SIDT1: variants seen among roughly 807,000 people sequenced by gnomAD.
SIDT1 encodes SID1 transmembrane family member 1.
SIDT1 carries 101 observed loss-of-function variants against 107.5 expected under a neutral mutation model. That is an observed-to-expected ratio of 0.94 (90% CI 0.80 to 1.11). SIDT1 has a LOEUF of 1.11. Among genes scored for constraint, SIDT1 ranks in the 50% least tolerant of loss-of-function variants. The pLI is 0.00. For missense variants in SIDT1, 1,076 were observed against 1,058.2 expected (o/e 1.02, Z -0.23); for synonymous variants, 395 against 398.2 (o/e 0.99, Z 0.10).
Position 113,623,667 on chromosome 3 carries a change from C to T in SIDT1, c.2241C>T (p.Ile747=), listed in dbSNP as rs772871086. The T allele has an allele frequency of 1.9e-6, 3 of 1,614,146 alleles. No individual in the cohort carries two copies. Among genetic ancestry groups the T allele is most frequent in the South Asian group, 2.2e-5 (2 of 91,086 alleles). Reference sequence around the variant, plus strand: ...TCCTCCCAGTCCCGCTCTTCTGCATCGTGGCCACCGCTGTGATGTGGGCTG... The same window carrying T: ...TCCTCCCAGTCCCGCTCTTCTGCATTGTGGCCACCGCTGTGATGTGGGCTG... ...EKVLPVPLFC[I]VATAVMWAAA... Residue 747 remains isoleucine, a synonymous_variant, in exon 23 of 25, where the codon ATC becomes ATT. Transcript: ENST00000264852.
intron 1 of SIDT1, among the ~76,000 whole-genome samples, chr3:113,538,011 G>A (rs1938381783): frequency 6.6e-6 from 1 of 151,982 alleles, no homozygotes; most frequent in Admixed American, 6.6e-5. Context: ...TCAAACTCCT[G>A]GCCTCACGTG....
chr3:113,600,101 G>T (rs1944852778), intron 10 of SIDT1, among the ~76,000 whole-genome samples: 1 of 151,860 alleles, frequency 6.6e-6, no homozygotes, highest in Non-Finnish European at 1.5e-5. Context: ...CTTGAGGTGG[G>T]GAGTTCAAGA....
In SIDT1 at chr3:113,604,977, G is replaced by A. The variant is rs775141191; in HGVS notation, c.1404+1G>A. The A allele has an allele frequency of 6.2e-7, 1 of 1,613,878 alleles. No homozygotes were observed. Among genetic ancestry groups the A allele is most frequent in the African/African-American group, 1.3e-5 (1 of 75,054 alleles). Reference sequence around the variant, plus strand: ...CCAGCTGGTCATTACCTATCAGACAGTAAGTGCTGCCCCAGCCCCAGCCCC... The same window carrying A: ...CCAGCTGGTCATTACCTATCAGACAATAAGTGCTGCCCCAGCCCCAGCCCC... On this transcript the variant is annotated splice_donor_variant, in intron 14 of 24. Transcript: ENST00000264852. LOFTEE classifies it high-confidence loss of function.
chr3:113,594,246 A>G (rs568731660), intron 10 of SIDT1, among the ~76,000 whole-genome samples: 1 of 152,306 alleles, frequency 6.6e-6, no homozygotes, highest in South Asian at 2.1e-4. Context: ...CAGCCACCCA[A>G]GCACTTTGTT....
At chr3:113,545,542 C>G (rs1377689392) in intron 1 of SIDT1, among the ~76,000 whole-genome samples, 3 of 152,136 alleles carry the variant, frequency 2.0e-5, no homozygotes, top group Non-Finnish European at 1.5e-5. Context: ...CTCTCCTCTC[C>G]CCATCACTAG....
chr3:113,569,088 G>A (rs768592946), intron 3 of SIDT1, among the ~76,000 whole-genome samples: 23 of 135,836 alleles, frequency 1.7e-4, no homozygotes, highest in Non-Finnish European at 3.0e-4. Flanking sequence ...GCAGTGAGCC[G>A]AGATCATGCC....
intron 9 of SIDT1, among the ~76,000 whole-genome samples, chr3:113,587,261 C>A (rs1943808490): frequency 6.6e-6 from 1 of 152,044 alleles, no homozygotes; most frequent in Admixed American, 6.6e-5. Context: ...ATGATAAAAG[C>A]AAATGAGGTA....
chr3:113,581,196 A>T (rs1281696364), intron 5 of SIDT1, among the ~76,000 whole-genome samples, 165 bp from the exon 6 acceptor site: 1 of 152,106 alleles, frequency 6.6e-6, no homozygotes, highest in Non-Finnish European at 1.5e-5. Context: ...AAGTCTTAGG[A>T]AGACTATGTC....
intron 1 of SIDT1, among the ~76,000 whole-genome samples, chr3:113,561,668 T>C (rs995517004): frequency 6.6e-6 from 1 of 152,218 alleles, no homozygotes; most frequent in African/African-American, 2.4e-5. Context: ...TCCCCATCCA[T>C]GTACATCAGA....
intron 1 of SIDT1, among the ~76,000 whole-genome samples, chr3:113,551,492 G>T (rs1287300011): frequency 6.6e-6 from 1 of 152,160 alleles, no homozygotes; most frequent in Non-Finnish European, 1.5e-5. Flanking sequence ...TAAATCACAA[G>T]ATGTGCCCAC....
intron 10 of SIDT1, among the ~76,000 whole-genome samples, chr3:113,594,351 A>C (rs558736513): frequency 6.6e-6 from 1 of 152,278 alleles, no homozygotes; most frequent in East Asian, 1.9e-4. Flanking sequence ...TTTAGTCGTC[A>C]GATGTTTAAA....
downstream of SIDT1, chr3:113,632,652 CTG>C (rs1460743721): frequency 2.0e-5 from 3 of 152,196 alleles, no homozygotes; most frequent in Non-Finnish European, 4.4e-5. Context: ...GGGCTAGGCA[CTG>C]TGAGAAAATG....
In SIDT1 at chr3:113,567,591, A is replaced by C. The variant is rs761201821; in HGVS notation, c.396A>C (p.Ser132=). 4.3e-6 allele frequency: 7 copies of C among 1,614,034 alleles called. No homozygotes were observed. The highest frequency in any genetic ancestry group is 5.9e-6 in the Non-Finnish European group (7 of 1,180,020). ...AAGTGAGCCGCACCTTATGTCCCTCAGAAGCAACCAATGAGACGGGACCCT... is the reference window on the plus strand; with the variant it reads ...AAGTGAGCCGCACCTTATGTCCCTCCGAAGCAACCAATGAGACGGGACCCT... ...YQEVSRTLCP[S]EATNETGPLQ... is the part of the protein sequence containing the mutation. Residue 132 remains serine (S), a synonymous_variant, in exon 3 of 25, where the codon TCA becomes TCC. Transcript: ENST00000264852.
At chr3:113,567,826 AT>A in intron 3 of SIDT1, 116 bp downstream of exon 3, 2 of 1,078,686 alleles carry the variant, frequency 1.9e-6, no homozygotes, top group African/African-American at 1.6e-5. Flanking sequence ...TTAGCATATG[AT>A]TTTAGCACTT....
intron 18 of SIDT1, among the ~76,000 whole-genome samples, chr3:113,611,616 C>A (rs562837241): frequency 1.3e-5 from 2 of 152,246 alleles, no homozygotes; most frequent in East Asian, 3.9e-4. Context: ...CCACCGTGCC[C>A]GGCCTAGTTG....
At chr3:113,571,520 C>T (rs898247162) in intron 3 of SIDT1, among the ~76,000 whole-genome samples, 29 of 95,414 alleles carry the variant, frequency 3.0e-4, no homozygotes, top group African/African-American at 1.2e-3. Context: ...ATAAACTGTG[C>T]CACTACTCTT....
In SIDT1 at chr3:113,608,439, C is replaced by CTT; in HGVS notation, c.1625_1626dup (p.Gly543LeufsTer11). Reference sequence around the variant, plus strand: ...TTCAGGAGTACGGGATTCCCAAACACTTTGGTCTCTTCTACGCTATGGGCA... The same window carrying CTT: ...TTCAGGAGTACGGGATTCCCAAACACTTTTTGGTCTCTTCTACGCTATGGGCA... On this transcript the variant is annotated frameshift_variant, in exon 17 of 25. Transcript: ENST00000264852. LOFTEE classifies it high-confidence loss of function. The CTT allele has an allele frequency of 6.2e-7, 1 of 1,613,756 alleles. No homozygotes were observed. The highest frequency in any genetic ancestry group is 1.3e-5 in the African/African-American group (1 of 75,044).
At chr3:113,589,600 C>T (rs912690260) in intron 9 of SIDT1, among the ~76,000 whole-genome samples, 3 of 139,574 alleles carry the variant, frequency 2.1e-5, no homozygotes, top group Admixed American at 7.8e-5. Flanking sequence ...GTGGCACGAT[C>T]TCAGCTCACT....
chr3:113,557,384 A>C (rs966172955), intron 1 of SIDT1, among the ~76,000 whole-genome samples: 1 of 152,208 alleles, frequency 6.6e-6, no homozygotes, highest in Non-Finnish European at 1.5e-5. Context: ...ATGTGACCTT[A>C]CTTGGAAGTA....
Sources: gnomAD v4.1 joint callset for allele counts (sites outside exome capture counted in the v4.1 genomes callset) on GRCh38, gnomAD v4.1.1 for gene constraint, MANE v1.5 for transcripts, NCBI Gene and HGNC (gene_info 2026-07-23, HGNC 2026-07-21) for gene names.